SLC17A1: variants seen among roughly 807,000 people sequenced by gnomAD.
SLC17A1 encodes the protein sodium-dependent phosphate transport protein 1.
SLC17A1 carries 51 observed loss-of-function variants against 53.5 expected under a neutral mutation model. That is an observed-to-expected ratio of 0.95 (90% CI 0.76 to 1.20). SLC17A1 has a LOEUF of 1.20. SLC17A1 is among the 50% of genes most tolerant of loss of function. The probability of loss-of-function intolerance (pLI) is 0.00; values close to 1 mark genes in which losing one functional copy is unlikely to be tolerated. For missense variants in SLC17A1, 538 were observed against 568.2 expected (o/e 0.95, Z 0.54); for synonymous variants, 179 against 198.8 (o/e 0.90, Z 0.84).
chr6:25,805,387 A>T (rs1280776242), intron 10 of SLC17A1, among the ~76,000 whole-genome samples: 1 of 152,092 alleles, frequency 6.6e-6, no homozygotes, highest in Non-Finnish European at 1.5e-5. Flanking sequence ...TGCTAAGAGG[A>T]AAGTTTATAG....
the SLC17A1 span, among the ~76,000 whole-genome samples, chr6:25,730,770 G>A: frequency 6.6e-6 from 1 of 152,190 alleles, no homozygotes; most frequent in Non-Finnish European, 1.5e-5. Flanking sequence ...AATGAAAATA[G>A]TTGGGTGGAG....
At chr6:25,756,110 G>C in the SLC17A1 span, among the ~76,000 whole-genome samples, 45 of 152,220 alleles carry the variant, frequency 3.0e-4, no homozygotes, top group East Asian at 8.7e-3. Context: ...GTGCCACACA[G>C]TGGCCATAGT....
chr6:25,829,736 G>A (rs1333957520), intron 2 of SLC17A1, among the ~76,000 whole-genome samples: 1 of 152,122 alleles, frequency 6.6e-6, no homozygotes, highest in Non-Finnish European at 1.5e-5. Flanking sequence ...CTCATGGACA[G>A]AGTAAAATGT....
At chr6:25,800,475 T>G (rs1324867528) in intron 11 of SLC17A1, among the ~76,000 whole-genome samples, 2 of 152,180 alleles carry the variant, frequency 1.3e-5, no homozygotes, top group East Asian at 3.9e-4. Flanking sequence ...CCATGACATG[T>G]GCAAAAACAG....
At chr6:25,768,998 C>T in the SLC17A1 span, 14 of 1,613,964 alleles carry the variant, frequency 8.7e-6, no homozygotes, top group Non-Finnish European at 1.2e-5. Flanking sequence ...TTTGTTCAGT[C>T]CGACATGGGC....
chr6:25,776,783 T>C, the SLC17A1 span: 2 of 1,613,838 alleles, frequency 1.2e-6, no homozygotes, highest in African/African-American at 2.7e-5. Flanking sequence ...CAGCCTTCAG[T>C]TTACTCTGTG....
the SLC17A1 span, among the ~76,000 whole-genome samples, chr6:25,747,803 T>C: frequency 1.8e-4 from 27 of 152,348 alleles, no homozygotes; most frequent in Non-Finnish European, 3.4e-4. Context: ...AGTCTGGCAG[T>C]ATCTTGAACT....
At chr6:25,785,574 A>G (rs1039656925) in intron 12 of SLC17A1, among the ~76,000 whole-genome samples, 2 of 152,216 alleles carry the variant, frequency 1.3e-5, no homozygotes, top group African/African-American at 4.8e-5. Flanking sequence ...TTTGCAAATC[A>G]CATATCTGAT....
At chr6:25,800,289 C>A (rs1259324821) in intron 11 of SLC17A1, among the ~76,000 whole-genome samples, 1 of 151,888 alleles carries the variant, frequency 6.6e-6, no homozygotes, top group African/African-American at 2.4e-5. Context: ...CCCAAGGCAG[C>A]CAGTGTCTTC....
chr6:25,819,909 T>A lies in SLC17A1; in HGVS notation c.214A>T (p.Met72Leu). The change falls in exon 4 of 13, where the codon ATG becomes TTG. Residue 72 changes from methionine to leucine, a missense_variant. By Grantham distance (15) the Met-to-Leu change is conservative (BLOSUM62 2). Transcript: ENST00000244527. ...KKLLDNIKNPMYNWSPDIQGI... is the reference protein window; with the variant it reads ...KKLLDNIKNPLYNWSPDIQGI... ...TGGATATCTGGGCTCCAATTATACA[T>A]AGGGTTCTAAAAGACAAGGGGGGAC... The A allele has an allele frequency of 1.2e-6, 2 of 1,603,812 alleles. No homozygotes were observed. Among genetic ancestry groups the A allele is most frequent in the Non-Finnish European group, 1.7e-6 (2 of 1,173,512 alleles).
intron 3 of SLC17A1, among the ~76,000 whole-genome samples, chr6:25,824,288 G>C (rs572093711): frequency 1.3e-5 from 2 of 151,786 alleles, no homozygotes; most frequent in African/African-American, 4.8e-5. Context: ...CATTTAAGAA[G>C]TAAGACCATT....
At chr6:25,819,225 T>A in intron 5 of SLC17A1, 71 bp from the exon 6 acceptor site, 1 of 1,049,584 alleles carries the variant, frequency 9.5e-7, no homozygotes, top group South Asian at 1.6e-5. Flanking sequence ...GTAGCCTCAC[T>A]GTAGCAATGA....
rs183464900 is a variant in SLC17A1, at chr6:25,830,523, C to A, written c.34+1G>T. On this transcript the variant is annotated splice_donor_variant, in intron 2 of 12. Coordinates refer to ENST00000244527, the MANE Select transcript of SLC17A1 (RefSeq NM_005074.5). LOFTEE classifies it high-confidence loss of function. ...TTTAATGGAACAGAATAAAGTGCTA[C>A]CTTTTTTGGGAGGCAACCGGTTATC... 1.9e-6 allele frequency: 3 copies of A among 1,610,410 alleles called. No individual in the cohort carries two copies. Among genetic ancestry groups the A allele is most frequent in the South Asian group, 2.2e-5 (2 of 90,992 alleles).
At chr6:25,806,889 A>C (rs1293856747) in intron 10 of SLC17A1, among the ~76,000 whole-genome samples, 1 of 152,158 alleles carries the variant, frequency 6.6e-6, no homozygotes, top group Non-Finnish European at 1.5e-5. Context: ...TTATCAAAAA[A>C]GAAAATATAC....
At chr6:25,797,115 G>A (rs542270013) in intron 12 of SLC17A1, among the ~76,000 whole-genome samples, 5 of 152,244 alleles carry the variant, frequency 3.3e-5, no homozygotes, top group African/African-American at 4.8e-5. Flanking sequence ...CACCTTATAT[G>A]CTATTGCATG....
chr6:25,753,131 A>T, the SLC17A1 span, among the ~76,000 whole-genome samples: 4 of 152,226 alleles, frequency 2.6e-5, no homozygotes, highest in Admixed American at 6.5e-5. Flanking sequence ...CTTCTTGGAA[A>T]ATCTATTTTC....
chr6:25,811,869 A>G, intron 8 of SLC17A1, 99 bp from the exon 9 acceptor site: 1 of 1,272,550 alleles, frequency 7.9e-7, no homozygotes, highest in Non-Finnish European at 1.1e-6. Flanking sequence ...TAAAATGTGT[A>G]CTTTCATATA....
chr6:25,773,510 C>T, the SLC17A1 span: 1 of 1,613,652 alleles, frequency 6.2e-7, no homozygotes, highest in South Asian at 1.1e-5. Context: ...TGCTTTCTTC[C>T]AGGACTGTTC....
At chr6:25,800,097 A>G (rs1696195474) in intron 11 of SLC17A1, among the ~76,000 whole-genome samples, 3 of 152,124 alleles carry the variant, frequency 2.0e-5, no homozygotes, top group Admixed American at 2.0e-4. Context: ...TGTTCCTACA[A>G]ATAAAGTTTA....
Sources: gnomAD v4.1 joint callset for allele counts (sites outside exome capture counted in the v4.1 genomes callset) on GRCh38, gnomAD v4.1.1 for gene constraint, MANE v1.5 for transcripts, NCBI Gene and HGNC (gene_info 2026-07-23, HGNC 2026-07-21) for gene names.